Variants in RAD51B observed in about 807,000 individuals in gnomAD.
The protein encoded by RAD51B is DNA repair protein RAD51 homolog 2.
In RAD51B, 38 loss-of-function variants were observed where a neutral mutation model predicts 42.2. The observed-to-expected ratio is 0.90, with a 90% CI of 0.70 to 1.18. The LOEUF is 1.18. Among genes scored for constraint, RAD51B ranks in the 50% most tolerant of loss-of-function variants. RAD51B has a pLI of 0.00. For synonymous variants in RAD51B, 154 were observed against 145.2 expected, an observed-to-expected ratio of 1.06 and a Z score of -0.43; for missense variants, 373 against 400.7, an observed-to-expected ratio of 0.93 and a Z score of 0.59.
intron 7 of RAD51B, among the ~76,000 whole-genome samples, chr14:68,269,203 G>A (rs139675931): frequency 5.9e-5 from 9 of 152,374 alleles, no homozygotes; most frequent in African/African-American, 1.4e-4. Context: ...AGGATTAAAT[G>A]TTGGTGTTTG....
chr14:68,393,417 T>G (rs962929271), intron 8 of RAD51B, among the ~76,000 whole-genome samples: 1 of 152,232 alleles, frequency 6.6e-6, no homozygotes, highest in African/African-American at 2.4e-5. Flanking sequence ...ATTCTCATAC[T>G]GAGGCTGTGT....
At chr14:68,595,618 A>T (rs1271104610) in exon 11 of RAD51B, 24 of 1,062,582 alleles carry the variant, frequency 2.3e-5, no homozygotes, top group Non-Finnish European at 2.4e-5. Flanking sequence ...CAGTCTCCCC[A>T]ATGTCTACAT....
intron 9 of RAD51B, among the ~76,000 whole-genome samples, chr14:68,465,992 A>AAATAAATAAATT (rs1266757141): frequency 1.8e-4 from 27 of 149,628 alleles, no homozygotes; most frequent in African/African-American, 6.5e-4. Flanking sequence ...ATAAATAAAT[A>AAATAAATAAATT]AATTCACATT....
chr14:68,507,768 A>C (rs933809778), intron 10 of RAD51B, among the ~76,000 whole-genome samples: 7 of 152,192 alleles, frequency 4.6e-5, no homozygotes, highest in African/African-American at 1.4e-4. Flanking sequence ...TTGTCCAATC[A>C]GCTGTCTTGA....
chr14:67,875,428 A>G (rs1348107051), intron 5 of RAD51B, among the ~76,000 whole-genome samples: 1 of 152,192 alleles, frequency 6.6e-6, no homozygotes, highest in African/African-American at 2.4e-5. Flanking sequence ...CATGTGCTAC[A>G]TAACAACATT....
At chr14:68,454,150 G>A (rs972584039) in intron 9 of RAD51B, among the ~76,000 whole-genome samples, 7 of 152,162 alleles carry the variant, frequency 4.6e-5, no homozygotes, top group Admixed American at 1.3e-4. Context: ...ACATTAAGTT[G>A]ATTAAAAGAT....
chr14:68,393,600 A>T (rs1330936203), intron 8 of RAD51B, among the ~76,000 whole-genome samples: 1 of 152,206 alleles, frequency 6.6e-6, no homozygotes, highest in East Asian at 1.9e-4. Flanking sequence ...AGGGAAATAA[A>T]AGGCAAGGTC....
At chr14:68,012,488 A>T (rs1242259446) in intron 7 of RAD51B, among the ~76,000 whole-genome samples, 2 of 152,074 alleles carry the variant, frequency 1.3e-5, no homozygotes, top group Non-Finnish European at 2.9e-5. Context: ...AAAGTCTAAA[A>T]TATTTATTAT....
intron 10 of RAD51B, among the ~76,000 whole-genome samples, chr14:68,505,907 T>G (rs1351089137): frequency 6.6e-6 from 1 of 152,256 alleles, no homozygotes; most frequent in Non-Finnish European, 1.5e-5. Flanking sequence ...GCATATGTAC[T>G]GCTGAGGGAA....
chr14:68,118,183 A>G (rs1314941802), intron 7 of RAD51B, among the ~76,000 whole-genome samples: 1 of 152,246 alleles, frequency 6.6e-6, no homozygotes, highest in African/African-American at 2.4e-5. Flanking sequence ...GTTTCCATAT[A>G]TCCTTCACCC....
chr14:67,940,054 ATTTTTTTTTTTTTTTTTTTT>A (rs1170220269), intron 7 of RAD51B, among the ~76,000 whole-genome samples: 2 of 14,560 alleles, frequency 1.4e-4, no homozygotes, highest in South Asian at 3.9e-3. Flanking sequence ...ATATATATAT[ATTTTTTTTTTTTTTTTTTTT>A]TTTTTTTTTT....
intron 10 of RAD51B, among the ~76,000 whole-genome samples, chr14:68,485,694 C>A (rs898033425): frequency 6.6e-6 from 1 of 152,160 alleles, no homozygotes; most frequent in Non-Finnish European, 1.5e-5. Context: ...TTTCTCCAGC[C>A]CCCACCCTCA....
At chr14:68,029,092 G>A (rs1176196645) in intron 7 of RAD51B, among the ~76,000 whole-genome samples, 2 of 152,202 alleles carry the variant, frequency 1.3e-5, no homozygotes, top group Non-Finnish European at 2.9e-5. Flanking sequence ...TTCAGGGCTG[G>A]GAAGTAGCCC....
chr14:67,995,481 C>T (rs1040486401), intron 7 of RAD51B, among the ~76,000 whole-genome samples: 1 of 152,140 alleles, frequency 6.6e-6, no homozygotes, highest in Non-Finnish European at 1.5e-5. Flanking sequence ...AAACTGGGAA[C>T]TTAGGATCTT....
At chr14:68,254,328 T>C (rs1294874411) in intron 7 of RAD51B, among the ~76,000 whole-genome samples, 1 of 152,128 alleles carries the variant, frequency 6.6e-6, no homozygotes, top group Non-Finnish European at 1.5e-5. Flanking sequence ...CTAGTTAGCA[T>C]CAGCCCCTCT....
intron 7 of RAD51B, among the ~76,000 whole-genome samples, chr14:68,042,956 C>A (rs1345100118): frequency 6.6e-6 from 1 of 152,184 alleles, no homozygotes; most frequent in African/African-American, 2.4e-5. Flanking sequence ...AAGTTCTCAA[C>A]ACCCTGTGAT....
intron 8 of RAD51B, among the ~76,000 whole-genome samples, chr14:68,395,842 G>A (rs1163560280): frequency 1.3e-5 from 2 of 152,174 alleles, no homozygotes; most frequent in South Asian, 2.1e-4. Flanking sequence ...CTTTCTTTAA[G>A]AATAATGATG....
At chr14:67,827,635 C>T (rs968922016) in intron 3 of RAD51B, among the ~76,000 whole-genome samples, 1 of 152,180 alleles carries the variant, frequency 6.6e-6, no homozygotes, top group Non-Finnish European at 1.5e-5. Flanking sequence ...CCCTCTCCCC[C>T]ACAACCTCGC....
chr14:68,290,415 G>C (rs866270086), intron 7 of RAD51B, among the ~76,000 whole-genome samples: 3 of 152,098 alleles, frequency 2.0e-5, no homozygotes, highest in African/African-American at 7.2e-5. Flanking sequence ...TCTTCCTCTA[G>C]GCTTCTAAAC....
Sources: gnomAD v4.1 joint callset for allele counts (sites outside exome capture counted in the v4.1 genomes callset) on GRCh38, gnomAD v4.1.1 for gene constraint, MANE v1.5 for transcripts, NCBI Gene and HGNC (gene_info 2026-07-23, HGNC 2026-07-21) for gene names.